HEMK2: variants seen among roughly 807,000 people sequenced by gnomAD.
The protein encoded by HEMK2 is methyltransferase HEMK2.
At chr21:28,882,388 C>T in the HEMK2 span, 2 of 564,234 alleles carry the variant, frequency 3.5e-6, no homozygotes, top group Non-Finnish European at 6.1e-6. Context: ...TCAATAATGG[C>T]AAAGAAAAAG....
At chr21:28,838,673 C>T in the HEMK2 span, among the ~76,000 whole-genome samples, 1 of 151,740 alleles carries the variant, frequency 6.6e-6, no homozygotes, top group South Asian at 2.1e-4. Context: ...GGCACAGTGG[C>T]TCACACCTGA....
At chr21:28,872,334 G>T in the HEMK2 span, 1 of 152,320 alleles carries the variant, frequency 6.6e-6, no homozygotes, top group African/African-American at 2.4e-5. Flanking sequence ...TGCATAAGGA[G>T]CAAACTCCTC....
the HEMK2 span, chr21:28,882,095 C>A: frequency 1.8e-4 from 229 of 1,299,070 alleles, no homozygotes; most frequent in Middle Eastern, 1.8e-3. Context: ...ACCAAAGTTT[C>A]TTTGACCTAA....
the HEMK2 span, among the ~76,000 whole-genome samples, chr21:28,844,402 A>G: frequency 6.6e-6 from 1 of 152,080 alleles, no homozygotes; most frequent in Admixed American, 6.6e-5. Flanking sequence ...TTATTCTACA[A>G]AAAGGGATCC....
chr21:28,839,691 T>C, the HEMK2 span, among the ~76,000 whole-genome samples: 2 of 151,864 alleles, frequency 1.3e-5, no homozygotes, highest in African/African-American at 2.4e-5. Flanking sequence ...AGGAAAACTA[T>C]AAAACACTGC....
chr21:28,826,178 G>C, the HEMK2 span, among the ~76,000 whole-genome samples: 1 of 152,214 alleles, frequency 6.6e-6, no homozygotes, highest in Admixed American at 6.5e-5. Flanking sequence ...CCCGTAGATG[G>C]AAGTCTCTCT....
chr21:28,782,977 T>C, the HEMK2 span, among the ~76,000 whole-genome samples: 15 of 152,176 alleles, frequency 9.9e-5, no homozygotes, highest in African/African-American at 3.6e-4. Context: ...CTGGTAACAG[T>C]GTAGAATAAT....
the HEMK2 span, among the ~76,000 whole-genome samples, chr21:28,814,708 T>A: frequency 6.6e-6 from 1 of 152,104 alleles, no homozygotes; most frequent in African/African-American, 2.4e-5. Context: ...TTAGAATGGC[T>A]ATCATTAAAA....
At chr21:28,790,286 C>A in the HEMK2 span, among the ~76,000 whole-genome samples, 2 of 152,272 alleles carry the variant, frequency 1.3e-5, no homozygotes, top group African/African-American at 4.8e-5. Flanking sequence ...AACCCACTCT[C>A]CCAGTTGTGT....
the HEMK2 span, among the ~76,000 whole-genome samples, chr21:28,601,726 C>T: frequency 6.9e-6 from 1 of 145,680 alleles, no homozygotes; most frequent in Admixed American, 6.9e-5. Flanking sequence ...CCATTCACTA[C>T]TGTTTTTCTA....
chr21:28,867,789 C>T, the HEMK2 span, among the ~76,000 whole-genome samples: 2 of 152,144 alleles, frequency 1.3e-5, no homozygotes, highest in Non-Finnish European at 2.9e-5. Context: ...TGCCTTTTGA[C>T]GAACAAAACC....
At chr21:28,773,365 A>G in the HEMK2 span, among the ~76,000 whole-genome samples, 163 of 152,288 alleles carry the variant, frequency 1.1e-3, no homozygotes, top group African/African-American at 3.7e-3. Context: ...ATTATCAACT[A>G]ATGACATTTA....
chr21:28,626,476 A>G, the HEMK2 span: 1 of 152,180 alleles, frequency 6.6e-6, no homozygotes, highest in Non-Finnish European at 1.5e-5. Context: ...TGAAATACAT[A>G]TATTCAAAAA....
At chr21:28,781,984 T>C in the HEMK2 span, among the ~76,000 whole-genome samples, 1 of 152,250 alleles carries the variant, frequency 6.6e-6, no homozygotes, top group African/African-American at 2.4e-5. Flanking sequence ...ATGTGAACAA[T>C]CTGCTGAGCT....
the HEMK2 span, among the ~76,000 whole-genome samples, chr21:28,723,911 G>T: frequency 1.3e-5 from 2 of 152,122 alleles, no homozygotes; most frequent in African/African-American, 2.4e-5. Context: ...TTATTAAAAT[G>T]CTGCAACTTT....
chr21:28,738,578 C>T, the HEMK2 span, among the ~76,000 whole-genome samples: 2 of 152,216 alleles, frequency 1.3e-5, no homozygotes, highest in Non-Finnish European at 2.9e-5. Context: ...CCATCTCTGA[C>T]ACTTGGGTCT....
the HEMK2 span, among the ~76,000 whole-genome samples, chr21:28,808,006 G>T: frequency 6.6e-6 from 1 of 152,068 alleles, no homozygotes; most frequent in African/African-American, 2.4e-5. Context: ...GGTTTATAAA[G>T]AATGTTTGAG....
chr21:28,877,096 G>A, the HEMK2 span, among the ~76,000 whole-genome samples: 2 of 122,366 alleles, frequency 1.6e-5, no homozygotes, highest in Non-Finnish European at 3.4e-5. Context: ...GGAGGGAAAG[G>A]AAAGGACGCA....
At chr21:28,871,374 A>T in the HEMK2 span, among the ~76,000 whole-genome samples, 1 of 152,158 alleles carries the variant, frequency 6.6e-6, no homozygotes, top group Non-Finnish European at 1.5e-5. Flanking sequence ...GCGAAGAGGG[A>T]GTGCTACACA....
Sources: gnomAD v4.1 joint callset for allele counts (sites outside exome capture counted in the v4.1 genomes callset) on GRCh38, gnomAD v4.1.1 for gene constraint, MANE v1.5 for transcripts, NCBI Gene and HGNC (gene_info 2026-07-23, HGNC 2026-07-21) for gene names.